Variants in SYBU observed in about 807,000 individuals in gnomAD.
SYBU encodes GOLSYN A protein.
In SYBU, 21 loss-of-function variants were observed where a neutral mutation model predicts 35.9. The ratio of observed to expected loss-of-function variants is 0.58; its 90% CI spans 0.41 to 0.84. SYBU has a LOEUF of 0.84. Among genes scored for constraint, SYBU ranks in the 40% least tolerant of loss-of-function variants. The pLI is 0.00. For missense variants in SYBU, 768 were observed against 848.2 expected, an observed-to-expected ratio of 0.91 and a Z score of 1.17; for synonymous variants, 319 against 324.3, an observed-to-expected ratio of 0.98 and a Z score of 0.18.
rs1246430519 is a variant in SYBU, at chr8:109,576,012, C to T, written c.886G>A (p.Glu296Lys). The T allele has an allele frequency of 1.3e-6, 2 of 1,547,042 alleles. No individual in the cohort carries two copies. Among genetic ancestry groups the T allele is most frequent in the African/African-American group, 2.9e-5 (2 of 70,146 alleles). Residue 296 changes from glutamate to lysine, a missense_variant and splice_region_variant, in exon 7 of 7, where the codon GAA becomes AAA. Transcript: ENST00000276646. Reference sequence around the variant, plus strand: ...GACTTAAGCTCCACGATTTCACTTTCCCTAGAGTGCCAAGACAAGCATGGT... The same window carrying T: ...GACTTAAGCTCCACGATTTCACTTTTCCTAGAGTGCCAAGACAAGCATGGT... ...KESERRLHERESEIVELKSQL... is the reference protein window; with the variant it reads ...KESERRLHERKSEIVELKSQL...
intron 2 of SYBU, among the ~76,000 whole-genome samples, chr8:109,622,548 T>C (rs180944715): frequency 6.6e-6 from 1 of 152,280 alleles, no homozygotes; most frequent in East Asian, 1.9e-4. Context: ...TACTCTGAGA[T>C]TCTGAGAATA....
intron 4 of SYBU, among the ~76,000 whole-genome samples, chr8:109,581,446 A>T (rs150274630): frequency 8.4e-4 from 128 of 152,348 alleles, no homozygotes; most frequent in African/African-American, 2.1e-3. Context: ...AGGGTAACTC[A>T]ACTGTAGAGT....
chr8:109,681,307 A>G (rs1264906323), upstream of SYBU, among the ~76,000 whole-genome samples: 3 of 152,218 alleles, frequency 2.0e-5, no homozygotes, highest in Non-Finnish European at 2.9e-5. Flanking sequence ...GGAGTGAAAT[A>G]TAGATTAAGC....
intron 1 of SYBU, among the ~76,000 whole-genome samples, chr8:109,661,649 T>C (rs898695550): frequency 6.6e-6 from 1 of 152,204 alleles, no homozygotes; most frequent in African/African-American, 2.4e-5. Flanking sequence ...ATTATGGAGC[T>C]GCCTCTTTAC....
intron 3 of SYBU, among the ~76,000 whole-genome samples, chr8:109,587,675 G>C (rs1428460220): frequency 2.6e-5 from 4 of 152,148 alleles, no homozygotes; most frequent in Non-Finnish European, 5.9e-5. Flanking sequence ...TCACAAGGCA[G>C]AGAGAAGAAA....
At chr8:109,662,468 T>C (rs1376427537) in intron 1 of SYBU, among the ~76,000 whole-genome samples, 1 of 152,164 alleles carries the variant, frequency 6.6e-6, no homozygotes, top group Non-Finnish European at 1.5e-5. Context: ...CTACTCCTGG[T>C]CTAGTCCCAT....
chr8:109,577,921 T>C lies in SYBU; in HGVS notation c.831A>G (p.Thr277=), dbSNP rs760663892. Residue 277 remains threonine (T), a synonymous_variant, in exon 6 of 7, where the codon ACA becomes ACG. Coordinates refer to ENST00000276646, the MANE Select transcript of SYBU (RefSeq NM_001099754.2). ...TCAGCTTGGTTTTGAGGTGTCTCAC[T>C]GTCACCTCTTTCTGCTGCAGTGGAG... The part of the protein sequence containing the change: ...YLTPLQQKEV[T]VRHLKTKLKE... 4.3e-6 allele frequency: 7 copies of C among 1,614,000 alleles called. No individual in the cohort carries two copies. The highest frequency in any genetic ancestry group is 1.1e-5 in the South Asian group (1 of 91,016).
In SYBU at chr8:109,582,665, C is replaced by T. The variant is rs574076283; in HGVS notation, c.531-2663G>A. Among the ~76,000 whole-genome samples the T allele has an allele frequency of 4.7e-4, 72 of 152,266 alleles. 1 individual carries two copies. The highest frequency in any genetic ancestry group is 1.7e-3 in the African/African-American group (70 of 41,554). ...GTAATATCATCATCATCGTCATCAT[C>T]ATCATCACCATCATCACCATGATCT... On this transcript the variant is annotated intron_variant, in intron 4 of 6. Transcript: ENST00000276646.
intron 1 of SYBU, among the ~76,000 whole-genome samples, chr8:109,660,970 G>A (rs1282040160): frequency 6.6e-6 from 1 of 152,102 alleles, no homozygotes; most frequent in African/African-American, 2.4e-5. Flanking sequence ...TCATACCCAA[G>A]AATTATAAGA....
intron 3 of SYBU, among the ~76,000 whole-genome samples, chr8:109,598,184 G>A (rs773704969): frequency 1.3e-5 from 2 of 152,226 alleles, no homozygotes; most frequent in African/African-American, 2.4e-5. Context: ...CTGAATGGCT[G>A]CCTCTGACAA....
intron 2 of SYBU, among the ~76,000 whole-genome samples, chr8:109,639,142 T>C (rs1327540574): frequency 3.3e-5 from 5 of 152,180 alleles, no homozygotes; most frequent in African/African-American, 9.6e-5. Flanking sequence ...GGTAAAATTA[T>C]AAGAAAAACT....
At chr8:109,686,230 G>A (rs1468225790) in intron 1 of SYBU, among the ~76,000 whole-genome samples, 1 of 150,912 alleles carries the variant, frequency 6.6e-6, no homozygotes, top group Admixed American at 6.6e-5. Context: ...AGCACCCCCC[G>A]ACAGCCTTAC....
At position 109,642,899 on chromosome 8, in the gene SYBU, TCTC is replaced by T. The variant is rs1349133061; in HGVS notation, c.55_57del (p.Glu19del). 8.2e-6 allele frequency: 13 copies of T among 1,583,650 alleles called. No homozygotes were observed. The highest frequency in any genetic ancestry group is 2.7e-5 in the African/African-American group (2 of 73,678). On this transcript the variant is annotated inframe_deletion, in exon 2 of 7. Transcript: ENST00000276646. ...AACCGGGGAATTCGGCTTCGAGAAA[TCTC>T]CTTGTCATGATGCTGCACTCTGTGC... is the stretch of plus-strand genomic sequence containing the variant.
chr8:109,660,592 G>A (rs925603391), intron 1 of SYBU, among the ~76,000 whole-genome samples: 4 of 152,126 alleles, frequency 2.6e-5, no homozygotes, highest in African/African-American at 9.7e-5. Context: ...AAAGAATAAA[G>A]TGGTTAACAA....
At chr8:109,602,429 A>ATTT (rs751669435) in intron 3 of SYBU, among the ~76,000 whole-genome samples, 12 of 132,640 alleles carry the variant, frequency 9.0e-5, no homozygotes, top group African/African-American at 3.2e-4. Context: ...CCTCTGTGTA[A>ATTT]TTTTTTTTTT....
chr8:109,642,972 C>G (rs372685684), intron 1 of SYBU, 40 bp from the exon 2 acceptor site: 75 of 1,451,576 alleles, frequency 5.2e-5, no homozygotes, highest in Non-Finnish European at 6.5e-5. Context: ...AAAGGAAACG[C>G]GTTTCCCTCT....
At chr8:109,583,267 C>T (rs1175800301) in intron 4 of SYBU, among the ~76,000 whole-genome samples, 1 of 152,136 alleles carries the variant, frequency 6.6e-6, no homozygotes, top group East Asian at 1.9e-4. Context: ...TATCCCATAT[C>T]CCAAAACAGG....
chr8:109,638,535 CA>C (rs562802585), intron 2 of SYBU, among the ~76,000 whole-genome samples: 4 of 151,952 alleles, frequency 2.6e-5, no homozygotes, highest in African/African-American at 7.3e-5. Flanking sequence ...AACAAACAAA[CA>C]AAAAACTTTT....
intron 3 of SYBU, among the ~76,000 whole-genome samples, chr8:109,589,576 C>A (rs563579008): frequency 3.3e-5 from 5 of 152,170 alleles, no homozygotes; most frequent in Non-Finnish European, 7.3e-5. Context: ...CCAGTGGCCT[C>A]CAGAAGTTCT....
Sources: gnomAD v4.1 joint callset for allele counts (sites outside exome capture counted in the v4.1 genomes callset) on GRCh38, gnomAD v4.1.1 for gene constraint, MANE v1.5 for transcripts, NCBI Gene and HGNC (gene_info 2026-07-23, HGNC 2026-07-21) for gene names.